PAPPA: variants seen among roughly 807,000 people sequenced by gnomAD.
PAPPA encodes pappalysin 1.
In PAPPA, 60 loss-of-function variants were observed where a neutral mutation model predicts 164.0. The observed-to-expected ratio is 0.37, with a 90% CI of 0.30 to 0.45. PAPPA has a LOEUF of 0.45. PAPPA is among the 20% of genes least tolerant of loss of function. The pLI, the probability that PAPPA is intolerant of heterozygous loss-of-function variation, is 1.00. For missense variants in PAPPA, 1,782 were observed against 2,087.3 expected, an observed-to-expected ratio of 0.85 and a Z score of 2.85; for synonymous variants, 875 against 814.1, an observed-to-expected ratio of 1.07 and a Z score of -1.27.
chr9:116,278,363 T>C (rs1441147205), intron 9 of PAPPA, among the ~76,000 whole-genome samples: 1 of 152,232 alleles, frequency 6.6e-6, no homozygotes, highest in Non-Finnish European at 1.5e-5. Flanking sequence ...TCAGAGTTTG[T>C]CTGTCTGCCC....
chr9:116,364,293 A>G (rs1421481409), intron 18 of PAPPA, among the ~76,000 whole-genome samples: 3 of 152,264 alleles, frequency 2.0e-5, no homozygotes, highest in Non-Finnish European at 4.4e-5. Flanking sequence ...TCTGTGAGAA[A>G]AAGCCTAATT....
chr9:116,244,575 T>C (rs1002246092), intron 7 of PAPPA, among the ~76,000 whole-genome samples: 2 of 152,046 alleles, frequency 1.3e-5, no homozygotes, highest in African/African-American at 4.8e-5. Flanking sequence ...TATAATAGAG[T>C]ATACATCCCC....
At chr9:116,330,593 TTGTG>T (rs139019834) in intron 10 of PAPPA, among the ~76,000 whole-genome samples, 7 of 150,394 alleles carry the variant, frequency 4.7e-5, no homozygotes, top group East Asian at 3.9e-4. Flanking sequence ...GAGAATGAAT[TTGTG>T]TGTGTGTGTG....
chr9:116,252,633 C>T (rs565157747), intron 7 of PAPPA, among the ~76,000 whole-genome samples: 1 of 152,308 alleles, frequency 6.6e-6, no homozygotes, highest in African/African-American at 2.4e-5. Context: ...CTGACTTCTA[C>T]AGCTGGAGAT....
intron 19 of PAPPA, among the ~76,000 whole-genome samples, chr9:116,372,740 G>C (rs1304790397): frequency 6.6e-6 from 1 of 152,114 alleles, no homozygotes; most frequent in Admixed American, 6.5e-5. Flanking sequence ...AAGAGAGGGA[G>C]GGAATGACTT....
chr9:116,302,929 C>G lies in PAPPA; in HGVS notation c.3126C>G (p.Ile1042Met). The change falls in exon 10 of 22, where the codon ATC becomes ATG. Residue 1042 changes from isoleucine to methionine, a missense_variant. By Grantham distance (10) the Ile-to-Met change is conservative. Coordinates refer to ENST00000328252, the MANE Select transcript of PAPPA (RefSeq NM_002581.5). ...AGCAATGCCCAGGCTGGGTCATCATCGGACAGCCAGCAGCATCCCAGGTAA... is the reference window on the plus strand; with the variant it reads ...AGCAATGCCCAGGCTGGGTCATCATGGGACAGCCAGCAGCATCCCAGGTAA... ...QDQQCPGWVI[I>M]GQPAASQVCR... 3 of 1,613,702 alleles carry G rather than the reference C, an allele frequency of 1.9e-6. No individual in the cohort carries two copies. Among genetic ancestry groups the G allele is most frequent in the Non-Finnish European group, 2.5e-6 (3 of 1,179,904 alleles).
At chr9:116,263,247 G>A (rs755573110) in intron 7 of PAPPA, among the ~76,000 whole-genome samples, 8 of 152,162 alleles carry the variant, frequency 5.3e-5, no homozygotes, top group African/African-American at 1.4e-4. Context: ...GTGGGTAGAC[G>A]TTACAGGGAC....
chr9:116,395,308 G>C (rs1487809881), intron 21 of PAPPA, among the ~76,000 whole-genome samples: 1 of 151,766 alleles, frequency 6.6e-6, no homozygotes. Flanking sequence ...AGAGGTCAAA[G>C]AGGCAGAGAA....
At position 116,236,100 on chromosome 9, in the gene PAPPA, C is replaced by T. The variant is rs542716604; in HGVS notation, c.2732+463C>T. On this transcript the variant is annotated intron_variant, in intron 7 of 21. Transcript: ENST00000328252. ...TAGTAGATTGGGTGGGGGTTGGGCA[C>T]AGTCCTAGGTATTTGCACAAAAATT... Among the ~76,000 whole-genome samples, 4 of 152,236 alleles carry T rather than the reference C, an allele frequency of 2.6e-5. No individual in the cohort carries two copies. In the East Asian group the frequency reaches 5.8e-4, roughly 22 times the overall value.
intron 6 of PAPPA, among the ~76,000 whole-genome samples, chr9:116,232,874 G>A (rs1844615535): frequency 6.6e-6 from 1 of 152,166 alleles, no homozygotes; most frequent in South Asian, 2.1e-4. Flanking sequence ...GAAGTATTTG[G>A]TCCCTCTGTT....
chr9:116,381,492 G>T (rs1287836132), intron 20 of PAPPA, among the ~76,000 whole-genome samples: 2 of 152,174 alleles, frequency 1.3e-5, no homozygotes, highest in African/African-American at 4.8e-5. Flanking sequence ...ACAAGTGACT[G>T]GGGAATCCAA....
At chr9:116,258,188 A>G (rs1844954733) in intron 7 of PAPPA, among the ~76,000 whole-genome samples, 1 of 152,074 alleles carries the variant, frequency 6.6e-6, no homozygotes, top group Admixed American at 6.5e-5. Context: ...TGAAATTGGA[A>G]TCAAAATCCC....
At chr9:116,354,750 T>C (rs1195449140) in intron 17 of PAPPA, among the ~76,000 whole-genome samples, 1 of 152,158 alleles carries the variant, frequency 6.6e-6, no homozygotes, top group African/African-American at 2.4e-5. Context: ...AGCTTCGTGA[T>C]CATTTTCCTG....
chr9:116,326,076 G>A (rs1032381975), intron 10 of PAPPA, among the ~76,000 whole-genome samples: 2 of 152,054 alleles, frequency 1.3e-5, no homozygotes, highest in Non-Finnish European at 2.9e-5. Flanking sequence ...CTGACTGTTG[G>A]AGAGGACTGT....
rs948113301 is a variant in PAPPA at position 116,243,300 on chromosome 9, G to A, written c.2732+7663G>A. 2.6e-5 allele frequency among the ~76,000 whole-genome samples: 4 copies of A among 152,194 alleles called. No homozygotes were observed. In the East Asian group the frequency reaches 7.7e-4, roughly 29 times the overall value. ...TCAGCAGGGCTTAAATTTAGTCACTGTGTTAACCATCTTCACATTGCTAAT... is the reference window on the plus strand; with the variant it reads ...TCAGCAGGGCTTAAATTTAGTCACTATGTTAACCATCTTCACATTGCTAAT... On this transcript the variant is annotated intron_variant, in intron 7 of 21. Coordinates refer to ENST00000328252, the MANE Select transcript of PAPPA (RefSeq NM_002581.5).
In PAPPA at chr9:116,285,171, C is replaced by CTTTTTTTTTTTT; in HGVS notation, c.2953+13763_2953+13774dup. On this transcript the variant is annotated intron_variant, in intron 9 of 21. Transcript: ENST00000328252. ...CTTTTTCTTTTTCTTTTCTTTCTTT[C>CTTTTTTTTTTTT]TTTTTTTTTTTTTTTTTTTGACAGA... Among the ~76,000 whole-genome samples, 113 of 89,468 alleles carry CTTTTTTTTTTTT rather than the reference C, an allele frequency of 1.3e-3. 3 individuals carry two copies. The highest frequency in any genetic ancestry group is 2.3e-3 in the South Asian group (5 of 2,180). 58.7% of individuals were successfully genotyped at this position (89,468 alleles called of 152,430 possible). A position where few individuals can be genotyped will look rare whatever the true frequency, so the allele number is the denominator to read the frequency against.
chr9:116,388,303 A>G (rs1221050699), intron 21 of PAPPA, among the ~76,000 whole-genome samples: 1 of 152,186 alleles, frequency 6.6e-6, no homozygotes, highest in African/African-American at 2.4e-5. Context: ...AGGAGCCTCA[A>G]ATACAAAGCA....
intron 6 of PAPPA, 91 bp from the exon 7 acceptor site, chr9:116,235,048 A>G (rs1402115709): frequency 2.0e-6 from 3 of 1,468,258 alleles, no homozygotes. Flanking sequence ...AGTTCTAGTC[A>G]GACCAATTTC....
At position 116,302,960 on chromosome 9, in the gene PAPPA, T is replaced by C. The variant is rs1845598117; in HGVS notation, c.3147+10T>C. 1 of 1,610,806 alleles carries C rather than the reference T, an allele frequency of 6.2e-7. No individual in the cohort carries two copies. Among genetic ancestry groups the C allele is most frequent in the Non-Finnish European group, 8.5e-7 (1 of 1,178,120 alleles). ...GCCAGCAGCATCCCAGGTAAGATCC[T>C]AACCATGTGTGGCATTTCCTGCAGA... is the stretch of plus-strand genomic sequence containing the variant. On this transcript the variant is annotated intron_variant, in intron 10 of 21. Coordinates refer to ENST00000328252, the MANE Select transcript of PAPPA (RefSeq NM_002581.5).
Sources: gnomAD v4.1 joint callset for allele counts (sites outside exome capture counted in the v4.1 genomes callset) on GRCh38, gnomAD v4.1.1 for gene constraint, MANE v1.5 for transcripts, NCBI Gene and HGNC (gene_info 2026-07-23, HGNC 2026-07-21) for gene names.